ITGA1: variants seen among roughly 807,000 people sequenced by gnomAD.
The protein encoded by ITGA1 is integrin subunit alpha 1.
Under a neutral mutation model 145.9 loss-of-function variants are expected in ITGA1, and 85 were observed. The observed-to-expected ratio is 0.58, with a 90% CI of 0.49 to 0.70. The LOEUF (loss-of-function observed/expected upper bound fraction) is 0.70. Among genes scored for constraint, ITGA1 ranks in the 30% least tolerant of loss-of-function variants. The pLI, the probability that ITGA1 is intolerant of heterozygous loss-of-function variation, is 0.00. For synonymous variants in ITGA1, 520 were observed against 495.3 expected, an observed-to-expected ratio of 1.05 and a Z score of -0.66; for missense variants, 1,351 against 1,418.7, an observed-to-expected ratio of 0.95 and a Z score of 0.77.
chr5:52,863,045 G>A (rs1227285411), intron 3 of ITGA1, among the ~76,000 whole-genome samples: 1 of 151,982 alleles, frequency 6.6e-6, no homozygotes, highest in African/African-American at 2.4e-5. Flanking sequence ...GTCTTGTCTT[G>A]TAATTTTGGA....
intron 2 of ITGA1, among the ~76,000 whole-genome samples, chr5:52,856,795 CT>C (rs996744482): frequency 4.5e-4 from 68 of 152,250 alleles, no homozygotes; most frequent in African/African-American, 1.6e-3. Context: ...TACTTAGTCA[CT>C]TAAAGCAGCA....
At chr5:52,803,896 A>C (rs1748539404) in intron 1 of ITGA1, 1 of 152,202 alleles carries the variant, frequency 6.6e-6, no homozygotes, top group Admixed American at 6.5e-5. Context: ...AATCTCTGGC[A>C]GGGGTCCCCA....
intron 14 of ITGA1, among the ~76,000 whole-genome samples, chr5:52,910,927 A>G (rs1415852304): frequency 7.2e-6 from 1 of 138,698 alleles, no homozygotes; most frequent in East Asian, 2.1e-4. Flanking sequence ...TATATATAGT[A>G]TATATGGTAT....
In ITGA1 at chr5:52,925,525, A is replaced by T. The variant is rs563889339; in HGVS notation, c.2613+38A>T. 3.5e-6 allele frequency: 5 copies of T among 1,432,248 alleles called. No homozygotes were observed. In the South Asian group the frequency reaches 4.6e-5, roughly 13 times the overall value. 88.7% of individuals were successfully genotyped at this position (1,432,248 alleles called of 1,614,324 possible). A position where few individuals can be genotyped will look rare whatever the true frequency, so the allele number is the denominator to read the frequency against. ...TTTTTCATTTATTTGTTCTCTTAAC[A>T]TCATTTACCTGGCCTACTTTTCATG... On this transcript the variant is annotated intron_variant, in intron 19 of 28. Transcript: ENST00000282588.
chr5:52,948,031 C>T (rs551887429), intron 28 of ITGA1, among the ~76,000 whole-genome samples: 1 of 152,258 alleles, frequency 6.6e-6, no homozygotes, highest in South Asian at 2.1e-4. Flanking sequence ...CTTAAAGTTT[C>T]ACAGACTCCT....
intron 7 of ITGA1, 33 bp from the exon 8 acceptor site, chr5:52,887,782 T>A (rs1177001613): frequency 2.5e-6 from 4 of 1,593,914 alleles, no homozygotes; most frequent in Non-Finnish European, 3.4e-6. Context: ...AGTGGTGTCT[T>A]ATCAACCTCT....
At chr5:52,789,608 A>G (rs1748200085) in intron 1 of ITGA1, among the ~76,000 whole-genome samples, 4 of 152,208 alleles carry the variant, frequency 2.6e-5, no homozygotes, top group South Asian at 4.1e-4. Flanking sequence ...GAAATGTCCA[A>G]TAATCCAAAC....
chr5:52,942,203 C>T (rs1242951576), intron 26 of ITGA1, among the ~76,000 whole-genome samples: 7 of 152,112 alleles, frequency 4.6e-5, no homozygotes, highest in African/African-American at 1.4e-4. Context: ...CGAAGTCAGG[C>T]AGTGTGATGG....
chr5:52,955,307 C>A lies in ITGA1; in HGVS notation c.*2856C>A, dbSNP rs959311838. The A allele has an allele frequency of 5.3e-5, 8 of 151,994 alleles. No individual in the cohort carries two copies. Among genetic ancestry groups the A allele is most frequent in the African/African-American group, 1.9e-4 (8 of 41,356 alleles). The allele number at this position is 151,994 out of a possible 1,614,324, so 9.4% of individuals were successfully genotyped here. ...GCCACCTCTTACCAACCAGTGTGAG[C>A]TGACTTCAGCACACCACTGAGACAG... On this transcript the variant is annotated 3_prime_UTR_variant, in exon 29 of 29. Coordinates refer to ENST00000282588, the MANE Select transcript of ITGA1 (RefSeq NM_181501.2).
chr5:52,802,060 TTG>T (rs1348802205), intron 1 of ITGA1: 1 of 457,286 alleles, frequency 2.2e-6, no homozygotes, highest in East Asian at 3.7e-5. Flanking sequence ...CTTGATTAAA[TTG>T]TGTAATTTTT....
intron 1 of ITGA1, among the ~76,000 whole-genome samples, chr5:52,805,677 A>T (rs1243278802): frequency 6.6e-6 from 1 of 152,114 alleles, no homozygotes; most frequent in Non-Finnish European, 1.5e-5. Context: ...GGATTCCCAT[A>T]GTGCAGGAAT....
intron 6 of ITGA1, among the ~76,000 whole-genome samples, chr5:52,879,524 A>G (rs1018564423): frequency 1.6e-4 from 25 of 152,218 alleles, no homozygotes; most frequent in Non-Finnish European, 2.6e-4. Flanking sequence ...ATAATTATTC[A>G]GTGTTTCCAA....
At chr5:52,942,850 GTTGT>G (rs781627350) in intron 26 of ITGA1, among the ~76,000 whole-genome samples, 27 of 151,946 alleles carry the variant, frequency 1.8e-4, no homozygotes, top group Non-Finnish European at 3.5e-4. Context: ...CCTGAGTTGT[GTTGT>G]TTATTTGACT....
intron 14 of ITGA1, among the ~76,000 whole-genome samples, chr5:52,911,010 A>ATG (rs1750508430): frequency 8.6e-4 from 14 of 16,360 alleles, no homozygotes; most frequent in African/African-American, 2.4e-3. Context: ...TGTATACTGT[A>ATG]TATACTATAT....
rs1274444212 is a variant in ITGA1, at chr5:52,908,629, T to C, written c.1456-269T>C. Among the ~76,000 whole-genome samples the C allele has an allele frequency of 3.3e-5, 5 of 152,318 alleles. No homozygotes were observed. In the East Asian group the frequency reaches 7.7e-4, roughly 23 times the overall value. On this transcript the variant is annotated intron_variant, in intron 12 of 28. Transcript: ENST00000282588. ...TGATTTGTGGAGAAGAAAGAGAGGT[T>C]AGAGTGAAATCTAAAGAAATTCATT... is the stretch of plus-strand genomic sequence containing the variant.
intron 12 of ITGA1, among the ~76,000 whole-genome samples, chr5:52,907,807 G>A (rs1435498067): frequency 6.6e-6 from 1 of 152,132 alleles, no homozygotes; most frequent in African/African-American, 2.4e-5. Context: ...TTGCCATGTG[G>A]GGAGGAAAGC....
At chr5:52,916,693 AC>A (rs1750652993) in intron 15 of ITGA1, among the ~76,000 whole-genome samples, 1 of 152,186 alleles carries the variant, frequency 6.6e-6, no homozygotes, top group South Asian at 2.1e-4. Flanking sequence ...AGTGGCTGGG[AC>A]TTTGGGGAGG....
chr5:52,802,026 G>A lies in ITGA1; in HGVS notation c.61+13612G>A, dbSNP rs145168464. The stretch of plus-strand genomic sequence containing the variant: ...ATGTATTTAAACAATAAACTAAAAG[G>A]AAATAATCTCCACGTACTACCATCT... On this transcript the variant is annotated intron_variant, in intron 1 of 28. Transcript: ENST00000282588. The A allele has an allele frequency of 7.2e-4, 378 of 527,906 alleles. 2 individuals carry two copies. The East Asian group carries it at 9.8e-3, about 14-fold the overall frequency. The allele number at this position is 527,906 out of a possible 1,614,324, so 32.7% of individuals were successfully genotyped here. A position where few individuals can be genotyped will look rare whatever the true frequency, so the allele number is the denominator to read the frequency against.
chr5:52,892,588 T>C (rs1561239823), intron 8 of ITGA1, among the ~76,000 whole-genome samples: 1 of 152,208 alleles, frequency 6.6e-6, no homozygotes, highest in Non-Finnish European at 1.5e-5. Context: ...ATGTTGAAGC[T>C]GCAAACAACT....
Sources: gnomAD v4.1 joint callset for allele counts (sites outside exome capture counted in the v4.1 genomes callset) on GRCh38, gnomAD v4.1.1 for gene constraint, MANE v1.5 for transcripts, NCBI Gene and HGNC (gene_info 2026-07-23, HGNC 2026-07-21) for gene names.